PTK2: variants seen among roughly 807,000 people sequenced by gnomAD.
The protein encoded by PTK2 is protein tyrosine kinase 2.
In PTK2, 45 loss-of-function variants were observed where a neutral mutation model predicts 150.1. That is an observed-to-expected ratio of 0.30 (90% confidence interval 0.24 to 0.38). PTK2 has a LOEUF of 0.38. Ranked by LOEUF, PTK2 falls within the 10% of genes least tolerant of loss-of-function variation. The probability of loss-of-function intolerance (pLI) is 1.00; values close to 1 mark genes in which losing one functional copy is unlikely to be tolerated. For synonymous variants in PTK2, 432 were observed against 449.2 expected (o/e 0.96, Z 0.48); for missense variants, 919 against 1,307.3 (o/e 0.70, Z 4.58).
chr8:140,684,163 C>A (rs2100018505), intron 27 of PTK2, among the ~76,000 whole-genome samples: 1 of 152,200 alleles, frequency 6.6e-6, no homozygotes, highest in South Asian at 2.1e-4. Context: ...AGTCCCCAAT[C>A]ATTTTGGCAC....
chr8:140,713,193 T>C (rs2100037744), intron 23 of PTK2, among the ~76,000 whole-genome samples: 1 of 152,244 alleles, frequency 6.6e-6, no homozygotes, highest in East Asian at 1.9e-4. Context: ...TGATGACTAG[T>C]ACAATTTCAT....
At chr8:140,731,261 A>C (rs1222063238) in intron 22 of PTK2, among the ~76,000 whole-genome samples, 2 of 152,132 alleles carry the variant, frequency 1.3e-5, no homozygotes, top group Non-Finnish European at 1.5e-5. Context: ...CGCCCGGCTA[A>C]ATGATTTTTC....
In PTK2 at chr8:140,702,034, G is replaced by A. The variant is rs368394386; in HGVS notation, c.2367+536C>T. On this transcript the variant is annotated intron_variant, in intron 25 of 31. Transcript: ENST00000522684. ...TCCAAGCTGCTCTGGAGGCTGAGGC[G>A]GGAGAATTGCTTGAACGTGGGAGGC... Among the ~76,000 whole-genome samples the A allele has an allele frequency of 6.0e-5, 9 of 149,468 alleles. No homozygotes were observed. The South Asian group carries it at 1.1e-3, about 18-fold the overall frequency.
At chr8:140,875,996 C>A (rs1001874474) in intron 4 of PTK2, among the ~76,000 whole-genome samples, 2 of 152,222 alleles carry the variant, frequency 1.3e-5, no homozygotes, top group Middle Eastern at 3.4e-3. Flanking sequence ...CCTTCTATAT[C>A]CCTAATGATG....
intron 1 of PTK2, among the ~76,000 whole-genome samples, chr8:140,998,920 G>C (rs778641414): frequency 2.0e-5 from 3 of 152,276 alleles, no homozygotes; most frequent in Middle Eastern, 3.4e-3. Flanking sequence ...AGGACTGAGG[G>C]AGTAAGTTAT....
At chr8:140,757,380 T>C (rs1319534539) in intron 16 of PTK2, among the ~76,000 whole-genome samples, 1 of 151,972 alleles carries the variant, frequency 6.6e-6, no homozygotes, top group Non-Finnish European at 1.5e-5. Flanking sequence ...AATACACCCA[T>C]AGTTAAAAAA....
intron 3 of PTK2, among the ~76,000 whole-genome samples, chr8:140,884,550 C>A (rs185267716): frequency 6.6e-6 from 1 of 152,298 alleles, no homozygotes; most frequent in African/African-American, 2.4e-5. Flanking sequence ...ACACTTCTAA[C>A]ACACACAAAG....
At chr8:140,861,729 G>A (rs956307701) in intron 5 of PTK2, among the ~76,000 whole-genome samples, 2 of 152,106 alleles carry the variant, frequency 1.3e-5, no homozygotes, top group African/African-American at 4.8e-5. Flanking sequence ...AAACAATTAA[G>A]CACAAAGAGA....
Position 140,811,906 on chromosome 8 carries a change from C to T in PTK2, c.867+6371G>A, listed in dbSNP as rs142735293. ...GAATGAAGAAAGCCTCTGTGAAATA[C>T]GGGATTATGTAAAGAGACCAAATCT... is the stretch of plus-strand genomic sequence containing the variant. On this transcript the variant is annotated intron_variant, in intron 10 of 31. Transcript: ENST00000522684. Among the ~76,000 whole-genome samples the T allele has an allele frequency of 1.8e-3, 279 of 152,242 alleles. 1 individual carries two copies. The highest frequency in any genetic ancestry group is 6.1e-3 in the African/African-American group (255 of 41,530).
chr8:140,987,469 C>A (rs1338991401), intron 1 of PTK2, among the ~76,000 whole-genome samples: 1 of 152,208 alleles, frequency 6.6e-6, no homozygotes, highest in African/African-American at 2.4e-5. Context: ...GCATCAGCCA[C>A]GGTGCCCAGC....
At chr8:140,770,746 C>T (rs1168135314) in intron 14 of PTK2, 2 of 1,355,342 alleles carry the variant, frequency 1.5e-6, no homozygotes, top group Non-Finnish European at 2.0e-6. Context: ...GAACAGAAGA[C>T]CAAAGGGAGA....
intron 25 of PTK2, among the ~76,000 whole-genome samples, chr8:140,702,128 C>CAAAAAAAAAAAAAAAAAA (rs749591009): frequency 4.7e-5 from 2 of 42,714 alleles, no homozygotes; most frequent in Non-Finnish European, 7.9e-5. Flanking sequence ...ACTCTGTCTC[C>CAAAAAAAAAAAAAAAAAA]AAAAAAAAAA....
intron 23 of PTK2, among the ~76,000 whole-genome samples, chr8:140,711,772 A>G (rs1047940101): frequency 1.6e-4 from 24 of 152,162 alleles, no homozygotes; most frequent in Non-Finnish European, 4.4e-5. Context: ...CGTGTCTCCC[A>G]ATGTCATCAG....
At chr8:140,902,941 T>TTTTTTTG (rs2100159271) in intron 2 of PTK2, among the ~76,000 whole-genome samples, 1 of 100,838 alleles carries the variant, frequency 9.9e-6, no homozygotes, top group Non-Finnish European at 2.1e-5. Flanking sequence ...TTTTTTTTTT[T>TTTTTTTG]TTTTTTTTTT....
intron 4 of PTK2, among the ~76,000 whole-genome samples, chr8:140,870,670 C>T (rs1325673482): frequency 6.6e-6 from 1 of 151,964 alleles, no homozygotes; most frequent in African/African-American, 2.4e-5. Context: ...AGGGGAGAAA[C>T]TGGATATAAA....
rs1555038109 is a variant in PTK2, at chr8:140,793,398, G to GA, written c.1094-15dup. 14 of 1,608,492 alleles carry GA rather than the reference G, an allele frequency of 8.7e-6. No individual in the cohort carries two copies. The highest frequency in any genetic ancestry group is 1.2e-5 in the Non-Finnish European group (14 of 1,178,436). ...CCCGTTCACCTTCTGCGGGGAAAAA[G>GA]AAAAGAGATGCATAAGGCTCTTTTC... is the stretch of plus-strand genomic sequence containing the variant. On this transcript the variant is annotated splice_polypyrimidine_tract_variant and intron_variant, in intron 12 of 31. Transcript: ENST00000522684.
At chr8:140,997,196 C>T (rs1333892159) in intron 1 of PTK2, among the ~76,000 whole-genome samples, 2 of 152,218 alleles carry the variant, frequency 1.3e-5, no homozygotes, top group South Asian at 2.1e-4. Flanking sequence ...GACTGAATTG[C>T]TGCAATCTCA....
At chr8:140,703,856 G>A (rs914256844) in intron 24 of PTK2, among the ~76,000 whole-genome samples, 3 of 152,198 alleles carry the variant, frequency 2.0e-5, no homozygotes, top group Non-Finnish European at 4.4e-5. Flanking sequence ...TTAGGCTAGT[G>A]TTGTATGGTG....
chr8:140,916,149 C>T (rs1029903889), intron 2 of PTK2, among the ~76,000 whole-genome samples: 2 of 152,178 alleles, frequency 1.3e-5, no homozygotes, highest in African/African-American at 4.8e-5. Flanking sequence ...TCTGTTAAGA[C>T]ATCTGTTGAG....
Sources: allele counts gnomAD v4.1 joint callset (sites outside exome capture counted in the v4.1 genomes callset), GRCh38; gene constraint gnomAD v4.1.1; transcripts MANE v1.5; gene names NCBI Gene and HGNC (gene_info 2026-07-23, HGNC 2026-07-21).